The following UCK2 variants were observed in gnomAD, a reference collection of about 807,000 sequenced individuals.
The protein encoded by UCK2 is uridine-cytidine kinase 2, also known as cytidine monophosphokinase 2.
Under a neutral mutation model 30.8 loss-of-function variants are expected in UCK2, and 6 were observed. The observed-to-expected ratio is 0.19, with a 90% CI of 0.11 to 0.38. The LOEUF is 0.38. Among genes scored for constraint, UCK2 ranks in the 10% least tolerant of loss-of-function variants. The pLI is 1.00. For synonymous variants in UCK2, 125 were observed against 133.6 expected (o/e 0.94, Z 0.45); for missense variants, 210 against 339.8 (o/e 0.62, Z 3.00).
chr1:165,869,659 CTTTTTT>C (rs71100867), intron 1 of UCK2, among the ~76,000 whole-genome samples: 6 of 73,970 alleles, frequency 8.1e-5, no homozygotes, highest in Non-Finnish European at 1.2e-4. Flanking sequence ...CATCATGGGC[CTTTTTT>C]TTTTTTTTTT....
chr1:165,878,022 T>G (rs1655382129), intron 1 of UCK2, among the ~76,000 whole-genome samples: 1 of 152,194 alleles, frequency 6.6e-6, no homozygotes, highest in Non-Finnish European at 1.5e-5. Flanking sequence ...GGGTTCACTT[T>G]TGCTGTTGTA....
At chr1:165,870,954 A>G (rs894406453) in intron 1 of UCK2, among the ~76,000 whole-genome samples, 7 of 152,128 alleles carry the variant, frequency 4.6e-5, no homozygotes, top group African/African-American at 1.7e-4. Flanking sequence ...AGTAGCTGGG[A>G]TTACAGGCAT....
chr1:165,869,059 G>A (rs1655122656), intron 1 of UCK2, among the ~76,000 whole-genome samples: 1 of 152,166 alleles, frequency 6.6e-6, no homozygotes, highest in Admixed American at 6.5e-5. Flanking sequence ...AGAAGAGGGA[G>A]AGAGACAGTG....
At chr1:165,850,972 G>T (rs1380135961) in intron 1 of UCK2, among the ~76,000 whole-genome samples, 2 of 131,352 alleles carry the variant, frequency 1.5e-5, no homozygotes, top group South Asian at 4.7e-4. Context: ...AATGGGTCTC[G>T]CTATGTTGCT....
intron 1 of UCK2, among the ~76,000 whole-genome samples, chr1:165,845,336 C>G (rs1370283351): frequency 6.6e-6 from 1 of 152,226 alleles, no homozygotes; most frequent in Non-Finnish European, 1.5e-5. Context: ...TCTTGGCGCA[C>G]TCTTCCTCAG....
At chr1:165,890,008 CAT>C (rs1437405763) in intron 1 of UCK2, among the ~76,000 whole-genome samples, 194 bp from the exon 2 acceptor site, 1 of 152,154 alleles carries the variant, frequency 6.6e-6, no homozygotes, top group Non-Finnish European at 1.5e-5. Context: ...CATGTTCCCA[CAT>C]GAGACGTGAT....
intron 1 of UCK2, among the ~76,000 whole-genome samples, chr1:165,886,890 TTTTTAGGGCCCA>T (rs1183188734): frequency 6.6e-6 from 1 of 152,162 alleles, no homozygotes; most frequent in Non-Finnish European, 1.5e-5. Flanking sequence ...TTATCCGGAT[TTTTTAGGGCCCA>T]TTTGTAATAT....
chr1:165,911,058 AGCT>A lies in UCK2; in HGVS notation c.*3237_*3239del, dbSNP rs916958343. The A allele has an allele frequency of 2.6e-5, 4 of 152,234 alleles. No homozygotes were observed. The highest frequency in any genetic ancestry group is 2.6e-4 in the Admixed American group (4 of 15,274). The allele number at this position is 152,234 out of a possible 1,614,324, so 9.4% of individuals were successfully genotyped here. The stretch of plus-strand genomic sequence containing the variant: ...AACCTTGACCTGCACTGGCCCTCAC[AGCT>A]GTTGGAGGGAAGTAGCCTCTTGCAG... On this transcript the variant is annotated 3_prime_UTR_variant, in exon 7 of 7. Coordinates refer to ENST00000367879, the MANE Select transcript of UCK2 (RefSeq NM_012474.5).
At chr1:165,882,694 C>T (rs1199584211) in intron 1 of UCK2, among the ~76,000 whole-genome samples, 4 of 152,144 alleles carry the variant, frequency 2.6e-5, no homozygotes, top group African/African-American at 9.7e-5. Context: ...AATGAATCCA[C>T]TCCCTCAAGC....
At chr1:165,862,984 C>T (rs72699986) in intron 1 of UCK2, among the ~76,000 whole-genome samples, 1 of 151,968 alleles carries the variant, frequency 6.6e-6, no homozygotes, top group African/African-American at 2.4e-5. Flanking sequence ...ACTTAGAGAT[C>T]GTTCTGATGG....
At chr1:165,856,126 T>TA (rs1056677709) in intron 1 of UCK2, among the ~76,000 whole-genome samples, 1 of 152,194 alleles carries the variant, frequency 6.6e-6, no homozygotes, top group Admixed American at 6.5e-5. Context: ...TCTGTATATA[T>TA]AAAAAACATT....
At chr1:165,848,680 C>G (rs928143092) in intron 1 of UCK2, among the ~76,000 whole-genome samples, 2 of 151,532 alleles carry the variant, frequency 1.3e-5, no homozygotes, top group African/African-American at 4.9e-5. Context: ...ACACACACCC[C>G]CAAAAACCCC....
At chr1:165,838,437 C>T (rs1013686707) in intron 1 of UCK2, among the ~76,000 whole-genome samples, 2 of 152,212 alleles carry the variant, frequency 1.3e-5, no homozygotes, top group African/African-American at 4.8e-5. Flanking sequence ...GTATCGTTAA[C>T]CACCTTCCCT....
intron 1 of UCK2, among the ~76,000 whole-genome samples, chr1:165,860,562 C>A (rs935576848): frequency 1.3e-5 from 2 of 152,100 alleles, no homozygotes; most frequent in Non-Finnish European, 2.9e-5. Flanking sequence ...GATTCTCCCA[C>A]CTCAGCCTCC....
chr1:165,874,527 C>T (rs1307016860), intron 1 of UCK2, among the ~76,000 whole-genome samples: 1 of 152,056 alleles, frequency 6.6e-6, no homozygotes, highest in Non-Finnish European at 1.5e-5. Flanking sequence ...CCATCCCCTG[C>T]GTTAAAAGGG....
intron 1 of UCK2, among the ~76,000 whole-genome samples, chr1:165,838,898 AT>A (rs1654260814): frequency 6.6e-6 from 1 of 152,110 alleles, no homozygotes; most frequent in Non-Finnish European, 1.5e-5. Context: ...AAATACAAAA[AT>A]TAGCTGGGCA....
intron 1 of UCK2, among the ~76,000 whole-genome samples, chr1:165,881,300 A>C (rs1020716843): frequency 1.3e-5 from 2 of 151,074 alleles, no homozygotes; most frequent in African/African-American, 4.9e-5. Context: ...ACATGGTTAT[A>C]GTCAGAGTAT....
intron 1 of UCK2, among the ~76,000 whole-genome samples, chr1:165,836,000 A>G (rs1654179608): frequency 6.6e-6 from 1 of 152,186 alleles, no homozygotes. Flanking sequence ...AGGCCTAGGC[A>G]GGCAGATTAC....
At chr1:165,864,765 G>T (rs894575915) in intron 1 of UCK2, among the ~76,000 whole-genome samples, 3 of 152,074 alleles carry the variant, frequency 2.0e-5, no homozygotes, top group East Asian at 1.9e-4. Context: ...CTGCAGCCCC[G>T]ACCTCCTGGA....
Sources: gnomAD v4.1 joint callset for allele counts (sites outside exome capture counted in the v4.1 genomes callset) on GRCh38, gnomAD v4.1.1 for gene constraint, MANE v1.5 for transcripts, NCBI Gene and HGNC (gene_info 2026-07-23, HGNC 2026-07-21) for gene names.